The following KMT5C variants were observed in gnomAD, a reference collection of about 807,000 sequenced individuals.
KMT5C encodes lysine methyltransferase 5C.
A neutral mutation model predicts 38.2 loss-of-function variants in KMT5C; 16 were observed. That is an observed-to-expected ratio of 0.42 (90% confidence interval 0.28 to 0.64). KMT5C has a LOEUF of 0.64. Ranked by LOEUF, KMT5C falls within the 30% of genes least tolerant of loss-of-function variation. The pLI is 0.23. For synonymous variants in KMT5C, 291 were observed against 279.0 expected (o/e 1.04, Z -0.43); for missense variants, 598 against 665.1 (o/e 0.90, Z 1.11).
Position 55,347,185 on chromosome 19 carries a change from C to T in KMT5C, c.1125C>T (p.Ala375=), listed in dbSNP as rs1353568253. The change falls in exon 9 of 9, where the codon GCC becomes GCT. Residue 375 remains alanine, a synonymous_variant. Transcript: ENST00000255613. The surrounding 1 kb of genome is among the most constrained non-coding windows in gnomAD (Gnocchi z 4.6). ...HCRLRGEALV[A]LGQPPHARWA... is the part of the protein sequence containing the mutation. The stretch of plus-strand genomic sequence containing the variant: ...GCCTGCGAGGAGAGGCCCTGGTGGC[C>T]CTGGGCCAGCCCCCCCACGCCCGCT... 1.3e-6 allele frequency: 2 copies of T among 1,537,322 alleles called. No homozygotes were observed. The highest frequency in any genetic ancestry group is 1.2e-5 in the South Asian group (1 of 84,040).
At chr19:55,341,023 C>T (rs954423024) in intron 1 of KMT5C, among the ~76,000 whole-genome samples, 2 of 152,248 alleles carry the variant, frequency 1.3e-5, no homozygotes, top group Non-Finnish European at 2.9e-5. Flanking sequence ...TGCCCCATCT[C>T]CTCCTCTCCT....
Position 55,346,284 on chromosome 19 carries a change from A to G in KMT5C, c.642A>G (p.Thr214=), listed in dbSNP as rs898236132. The change falls in exon 7 of 9, where the codon ACA becomes ACG. Residue 214 remains threonine, a synonymous_variant. Coordinates refer to ENST00000255613, the MANE Select transcript of KMT5C (RefSeq NM_032701.4). Reference sequence around the variant, plus strand: ...ACATTGAGCCTGGGGACGAGGTGACATGCTTCTACGGCGAGGGCTTCTTCG... The same window carrying G: ...ACATTGAGCCTGGGGACGAGGTGACGTGCTTCTACGGCGAGGGCTTCTTCG... The part of the protein sequence containing the change: ...LRDIEPGDEV[T]CFYGEGFFGE... 1 of 1,614,028 alleles carries G rather than the reference A, an allele frequency of 6.2e-7. No individual in the cohort carries two copies. The highest frequency in any genetic ancestry group is 1.1e-5 in the South Asian group (1 of 91,074).
Position 55,343,873 on chromosome 19 carries a change from C to T in KMT5C, c.550+30C>T, listed in dbSNP as rs202074209. ...GGGTCAGGCAGGTGGATGGGCAGGACGGGATAGAGCCAGGCAGGGCTGGAG... is the reference window on the plus strand; with the variant it reads ...GGGTCAGGCAGGTGGATGGGCAGGATGGGATAGAGCCAGGCAGGGCTGGAG... On this transcript the variant is annotated intron_variant, in intron 5 of 8. Transcript: ENST00000255613. The surrounding 1 kb of genome is among the most constrained non-coding windows in gnomAD (Gnocchi z 5.5). The T allele has an allele frequency of 1.6e-5, 26 of 1,610,346 alleles. No individual in the cohort carries two copies. The highest frequency in any genetic ancestry group is 5.3e-5 in the African/African-American group (4 of 74,788).
chr19:55,342,804 C>A lies in KMT5C; in HGVS notation c.339C>A (p.Arg113=). 6.2e-7 allele frequency: 1 copy of A among 1,613,620 alleles called. No homozygotes were observed. The highest frequency in any genetic ancestry group is 8.5e-7 in the Non-Finnish European group (1 of 1,179,548). ...GCTTTACCATCCTGCCCTGCACGCGCTACTCCATGGAGACCAACGGGGCCA... is the reference window on the plus strand; with the variant it reads ...GCTTTACCATCCTGCCCTGCACGCGATACTCCATGGAGACCAACGGGGCCA... The part of the protein sequence containing the change: ...ESGFTILPCT[R]YSMETNGAKI... Residue 113 remains arginine, a synonymous_variant, in exon 4 of 9, where the codon CGC becomes CGA. Transcript: ENST00000255613.
chr19:55,341,985 C>G lies in KMT5C; in HGVS notation c.49C>G (p.Leu17Val). The G allele has an allele frequency of 6.2e-7, 1 of 1,613,764 alleles. No homozygotes were observed. Among genetic ancestry groups the G allele is most frequent in the Non-Finnish European group, 8.5e-7 (1 of 1,179,974 alleles). ...ACGAGAACTGTGCGAGAACGACGAC[C>G]TGGCCACCAGCCTCGTCCTGGACCC... The part of the protein sequence containing the change: ...TARELCENDD[L>V]ATSLVLDPYL... Residue 17 changes from leucine to valine, a missense_variant, in exon 2 of 9, where the codon CTG (leucine) becomes GTG (valine). Leu to Val is a conservative substitution (Grantham distance 32). Around this residue, in one of 3 missense-constraint regions of KMT5C, gnomAD observed 167 missense variants for 187.8 expected, o/e 0.89. Coordinates refer to ENST00000255613, the MANE Select transcript of KMT5C (RefSeq NM_032701.4).
Position 55,347,008 on chromosome 19 carries a change from A to T in KMT5C, c.948A>T (p.Ser316=), listed in dbSNP as rs763032100. Residue 316 remains serine (S), a synonymous_variant, in exon 9 of 9, where the codon TCA becomes TCT. Transcript: ENST00000255613. The surrounding 1 kb of genome is among the most constrained non-coding windows in gnomAD (Gnocchi z 4.6). ...LPACSARPDT[S]PLWLQWLPQP... is the part of the protein sequence containing the mutation. ...CCTGCAGCGCCCGCCCAGACACCTC[A>T]CCCCTCTGGCTCCAGTGGCTGCCTC... The T allele has an allele frequency of 5.2e-6, 7 of 1,353,720 alleles. No individual in the cohort carries two copies. Among genetic ancestry groups the T allele is most frequent in the Non-Finnish European group, 7.3e-6 (7 of 959,214 alleles). 83.9% of individuals were successfully genotyped at this position (1,353,720 alleles called of 1,614,324 possible).
rs764846654 is a variant in KMT5C at position 55,341,981 on chromosome 19, C to T, written c.45C>T (p.Asp15=). 10 of 1,613,592 alleles carry T rather than the reference C, an allele frequency of 6.2e-6. No individual in the cohort carries two copies. The highest frequency in any genetic ancestry group is 4.5e-5 in the East Asian group (2 of 44,890). The change falls in exon 2 of 9, where the codon GAC becomes GAT. Residue 15 remains aspartate (D), a synonymous_variant. Transcript: ENST00000255613. ...CAGCACGAGAACTGTGCGAGAACGA[C>T]GACCTGGCCACCAGCCTCGTCCTGG... The part of the protein sequence containing the change: ...RVTARELCEN[D]DLATSLVLDP...
Position 55,346,670 on chromosome 19 carries a change from G to A in KMT5C, c.878G>A (p.Arg293His), listed in dbSNP as rs770263985. Reference protein sequence around the residue: ...PRACVHPSPLRRDPFCAACQP... With the variant: ...PRACVHPSPLHRDPFCAACQP... ...GCCTGCGTGCACCCATCCCCGCTGC[G>A]CCGGGACCCATTCTGCGGTGAGCAC... Residue 293 changes from arginine (R) to histidine (H), a missense_variant, in exon 8 of 9, where the codon CGC becomes CAC. Around this residue, in one of 3 missense-constraint regions of KMT5C, gnomAD observed 326 missense variants for 298.1 expected, o/e 1.09. Coordinates refer to ENST00000255613, the MANE Select transcript of KMT5C (RefSeq NM_032701.4). The A allele has an allele frequency of 2.4e-5, 38 of 1,568,718 alleles. No homozygotes were observed. Among genetic ancestry groups the A allele is most frequent in the Admixed American group, 5.7e-5 (3 of 52,974 alleles).
chr19:55,347,701 C>T lies in KMT5C; in HGVS notation c.*252C>T. The T allele has an allele frequency of 1.8e-6, 1 of 551,648 alleles. No homozygotes were observed. Among genetic ancestry groups the T allele is most frequent in the Non-Finnish European group, 3.0e-6 (1 of 332,410 alleles). The allele number at this position is 551,648 out of a possible 1,614,324, so 34.2% of individuals were successfully genotyped here. A position where few individuals can be genotyped will look rare whatever the true frequency, so the allele number is the denominator to read the frequency against. ...TTTGCTGCCCTCCCCACCCCTGCCC[C>T]AGCCTCAGGACTGCAGGAGCCATCC... On this transcript the variant is annotated 3_prime_UTR_variant, in exon 9 of 9. Transcript: ENST00000255613. This position sits in a 1 kb window ranked among gnomAD's most constrained non-coding sequence, Gnocchi z 4.6.
intron 6 of KMT5C, chr19:55,344,729 G>A (rs559201870): frequency 1.9e-6 from 1 of 526,406 alleles, no homozygotes; most frequent in Non-Finnish European, 3.9e-6. Flanking sequence ...GTCCAGACAT[G>A]CCCAGGAGAG....
intron 8 of KMT5C, 44 bp from the exon 9 acceptor site, chr19:55,346,912 C>T (rs2089625765): frequency 1.2e-6 from 1 of 808,042 alleles, no homozygotes; most frequent in Admixed American, 1.9e-5. Context: ...ACTGACTTCA[C>T]CTCTCCTTTG....
At chr19:55,344,780 G>C in intron 6 of KMT5C, 1 of 527,654 alleles carries the variant, frequency 1.9e-6, no homozygotes. Flanking sequence ...AAGGAATCAG[G>C]AGGGTTGGCT....
chr19:55,344,848 G>A (rs759799511), intron 6 of KMT5C: 1 of 482,832 alleles, frequency 2.1e-6, no homozygotes, highest in Non-Finnish European at 4.3e-6. Flanking sequence ...GGCACCCCGG[G>A]AGGCATGACA....
In KMT5C at chr19:55,343,352, G is replaced by C. The variant is rs1442606144; in HGVS notation, c.387-328G>C. 2.5e-6 allele frequency: 1 copy of C among 392,904 alleles called. No homozygotes were observed. The highest frequency in any genetic ancestry group is 4.8e-5 in the East Asian group (1 of 20,830). The allele number at this position is 392,904 out of a possible 1,614,324, so 24.3% of individuals were successfully genotyped here. ...GAAGCACCCGCCTGAGGGTCTGGTG[G>C]GGCGAGTAGGGGGTAGTCCAGGCAG... On this transcript the variant is annotated intron_variant, in intron 4 of 8. Coordinates refer to ENST00000255613, the MANE Select transcript of KMT5C (RefSeq NM_032701.4). The surrounding 1 kb of genome is among the most constrained non-coding windows in gnomAD (Gnocchi z 5.5).
Position 55,343,355 on chromosome 19 carries a change from C to CGA in KMT5C, c.387-323_387-322dup. The CGA allele has an allele frequency of 2.6e-6, 1 of 386,802 alleles. No individual in the cohort carries two copies. The allele number at this position is 386,802 out of a possible 1,614,324, so 24.0% of individuals were successfully genotyped here. On this transcript the variant is annotated intron_variant, in intron 4 of 8. Transcript: ENST00000255613. The surrounding 1 kb of genome is among the most constrained non-coding windows in gnomAD (Gnocchi z 5.5). ...GCACCCGCCTGAGGGTCTGGTGGGG[C>CGA]GAGTAGGGGGTAGTCCAGGCAGGAG...
At position 55,347,164 on chromosome 19, in the gene KMT5C, G is replaced by T. The variant is rs1016237308; in HGVS notation, c.1104G>T (p.Leu368=). ...GAGGCTGTGGCCCCCACTGCCGCCT[G>T]CGAGGAGAGGCCCTGGTGGCCCTGG... is the stretch of plus-strand genomic sequence containing the variant. ...RWGGCGPHCR[L]RGEALVALGQ... is the part of the protein sequence containing the mutation. Residue 368 remains leucine, a synonymous_variant, in exon 9 of 9, where the codon CTG becomes CTT. Coordinates refer to ENST00000255613, the MANE Select transcript of KMT5C (RefSeq NM_032701.4). This position sits in a 1 kb window ranked among gnomAD's most constrained non-coding sequence, Gnocchi z 4.6. 2 of 1,536,398 alleles carry T rather than the reference G, an allele frequency of 1.3e-6. No individual in the cohort carries two copies. Among genetic ancestry groups the T allele is most frequent in the Non-Finnish European group, 1.7e-6 (2 of 1,146,876 alleles).
At chr19:55,346,395 T>C in intron 7 of KMT5C, 46 bp downstream of exon 7, 1 of 1,612,460 alleles carries the variant, frequency 6.2e-7, no homozygotes, top group Non-Finnish European at 8.5e-7. Context: ...TCTGGGCTTC[T>C]TGAGCCCAGA....
Position 55,343,428 on chromosome 19 carries a change from G to C in KMT5C, c.387-252G>C. ...ATGAGAGCGAGGGGAGAGAATGGGG[G>C]CTGTATCTGCTGTGTGCGTGCTGCC... On this transcript the variant is annotated intron_variant, in intron 4 of 8. Coordinates refer to ENST00000255613, the MANE Select transcript of KMT5C (RefSeq NM_032701.4). This position sits in a 1 kb window ranked among gnomAD's most constrained non-coding sequence, Gnocchi z 5.5. 1 of 549,116 alleles carries C rather than the reference G, an allele frequency of 1.8e-6. No homozygotes were observed. The highest frequency in any genetic ancestry group is 2.2e-5 in the South Asian group (1 of 45,042). The allele number at this position is 549,116 out of a possible 1,614,324, so 34.0% of individuals were successfully genotyped here.
At chr19:55,345,045 G>GC (rs1351887110) in intron 6 of KMT5C, 2 of 456,030 alleles carry the variant, frequency 4.4e-6, no homozygotes, top group Non-Finnish European at 8.8e-6. Context: ...ACACACAGAC[G>GC]CTGGGGGGGA....
Sources: allele counts gnomAD v4.1 joint callset (sites outside exome capture counted in the v4.1 genomes callset), GRCh38; gene constraint gnomAD v4.1.1; regional missense constraint gnomAD v4.1.1; non-coding constraint Gnocchi (gnomAD v3.1); transcripts MANE v1.5; gene names NCBI Gene and HGNC (gene_info 2026-07-23, HGNC 2026-07-21).